Variants in TTLL11 observed in about 807,000 individuals in gnomAD.
TTLL11 encodes the protein tubulin polyglutamylase TTLL11.
TTLL11 carries 42 observed loss-of-function variants against 51.7 expected under a neutral mutation model. The observed-to-expected ratio is 0.81, with a 90% CI of 0.64 to 1.05. TTLL11 has a LOEUF of 1.05. Ranked by LOEUF, TTLL11 falls within the 50% of genes least tolerant of loss-of-function variation. The pLI is 0.00. For synonymous variants in TTLL11, 381 were observed against 383.5 expected, an observed-to-expected ratio of 0.99 and a Z score of 0.08; for missense variants, 799 against 940.4, an observed-to-expected ratio of 0.85 and a Z score of 1.97.
At chr9:121,860,469 C>A (rs1383329321) in intron 7 of TTLL11, 26 bp from the exon 8 acceptor site, 1 of 1,536,130 alleles carries the variant, frequency 6.5e-7, no homozygotes, top group Non-Finnish European at 8.8e-7. Context: ...AGTGACATGT[C>A]ACTGCCAGCC....
In TTLL11 at chr9:121,822,554, C is replaced by T. The variant is rs192800946; in HGVS notation, c.*33G>A. 8.3e-4 allele frequency: 1,183 copies of T among 1,426,802 alleles called. 2 individuals are homozygous for T. The highest frequency in any genetic ancestry group is 5.0e-3 in the Middle Eastern group (19 of 3,800). The allele number at this position is 1,426,802 out of a possible 1,614,324, so 88.4% of individuals were successfully genotyped here. ...GCGCTCCAGCCCTGAAAGCTGCTCT[C>T]GTCTTCCGTTTTCCAGGAGGACAGA... On this transcript the variant is annotated 3_prime_UTR_variant, in exon 9 of 9. Coordinates refer to ENST00000321582, the MANE Select transcript of TTLL11 (RefSeq NM_001139442.2). This position sits in a 1 kb window ranked among gnomAD's most constrained non-coding sequence, Gnocchi z 5.8.
chr9:122,072,892 G>C (rs1845764193), intron 1 of TTLL11, among the ~76,000 whole-genome samples: 3 of 152,162 alleles, frequency 2.0e-5, no homozygotes, highest in Non-Finnish European at 4.4e-5. Context: ...AGCTCTCCGG[G>C]GAAGGGACAC....
At chr9:121,986,766 C>T (rs1842952946) in intron 4 of TTLL11, among the ~76,000 whole-genome samples, 1 of 152,074 alleles carries the variant, frequency 6.6e-6, no homozygotes, top group Admixed American at 6.5e-5. Flanking sequence ...CCAGCCTCCT[C>T]TTCTGCTGTT....
At chr9:121,980,080 T>C (rs147251317) in intron 4 of TTLL11, among the ~76,000 whole-genome samples, 133 of 152,032 alleles carry the variant, frequency 8.7e-4, no homozygotes, top group African/African-American at 2.9e-3. Context: ...ATGGGAGAGA[T>C]ACCACAAGCA....
chr9:122,068,698 A>G (rs1469133779), intron 1 of TTLL11, among the ~76,000 whole-genome samples: 3 of 152,172 alleles, frequency 2.0e-5, no homozygotes, highest in Admixed American at 6.5e-5. Context: ...CTTTTTCTAC[A>G]CTGCATTGTG....
chr9:121,988,378 G>A (rs1017176992), intron 4 of TTLL11, among the ~76,000 whole-genome samples: 2 of 150,124 alleles, frequency 1.3e-5, no homozygotes, highest in African/African-American at 4.9e-5. Flanking sequence ...CCAATACCCA[G>A]GCTCTCGACA....
At chr9:121,846,593 G>A (rs1013592831) in intron 8 of TTLL11, among the ~76,000 whole-genome samples, 2 of 151,720 alleles carry the variant, frequency 1.3e-5, no homozygotes, top group South Asian at 2.1e-4. Flanking sequence ...ATTCTCTCAG[G>A]CCACAATAGA....
intron 2 of TTLL11, among the ~76,000 whole-genome samples, chr9:122,038,218 G>C (rs1267679767): frequency 1.3e-5 from 2 of 152,074 alleles, no homozygotes; most frequent in Admixed American, 6.5e-5. Flanking sequence ...ATTATAATAT[G>C]GTCTGTGTAA....
intron 8 of TTLL11, among the ~76,000 whole-genome samples, chr9:121,826,515 G>T (rs866850566): frequency 2.9e-5 from 1 of 34,452 alleles, no homozygotes; most frequent in Non-Finnish European, 7.5e-5. Flanking sequence ...ATATATATAT[G>T]TATATATATA....
At chr9:121,898,063 C>T (rs1564294609) in intron 6 of TTLL11, among the ~76,000 whole-genome samples, 3 of 152,034 alleles carry the variant, frequency 2.0e-5, no homozygotes, top group South Asian at 4.1e-4. Flanking sequence ...GGACTACAGG[C>T]ACCTGCCACC....
chr9:121,915,637 G>A (rs980315654), intron 6 of TTLL11, among the ~76,000 whole-genome samples: 9 of 152,048 alleles, frequency 5.9e-5, no homozygotes, highest in Admixed American at 5.2e-4. Flanking sequence ...GAATAAATAT[G>A]TACTGTTTGT....
chr9:122,052,416 A>G (rs1363622151), intron 1 of TTLL11, among the ~76,000 whole-genome samples: 1 of 152,222 alleles, frequency 6.6e-6, no homozygotes, highest in Non-Finnish European at 1.5e-5. Flanking sequence ...CTGTGGGAGC[A>G]ACTCCAAGTC....
chr9:122,060,801 G>A (rs1845415747), intron 1 of TTLL11, among the ~76,000 whole-genome samples: 1 of 152,238 alleles, frequency 6.6e-6, no homozygotes, highest in African/African-American at 2.4e-5. Flanking sequence ...TGCTGTGGGA[G>A]ATTATTAGCT....
intron 7 of TTLL11, among the ~76,000 whole-genome samples, chr9:121,867,690 G>A (rs186077258): frequency 8.5e-5 from 13 of 152,104 alleles, no homozygotes; most frequent in Non-Finnish European, 1.5e-4. Context: ...GCCTCCTCTC[G>A]GGAGCCTGCT....
chr9:121,960,148 G>T (rs1473665155), intron 6 of TTLL11, among the ~76,000 whole-genome samples: 1 of 151,826 alleles, frequency 6.6e-6, no homozygotes, highest in Non-Finnish European at 1.5e-5. Flanking sequence ...ACTACTTAGG[G>T]TTACACTTCT....
chr9:122,017,985 C>G (rs1406595866), intron 3 of TTLL11, among the ~76,000 whole-genome samples: 1 of 151,976 alleles, frequency 6.6e-6, no homozygotes, highest in Non-Finnish European at 1.5e-5. Flanking sequence ...ACACACTAAA[C>G]AAAAGCAATT....
chr9:121,855,694 C>T (rs780432381), intron 8 of TTLL11, among the ~76,000 whole-genome samples: 1 of 152,190 alleles, frequency 6.6e-6, no homozygotes, highest in South Asian at 2.1e-4. Context: ...CTCTGAGCCA[C>T]GGTTCTCACA....
At chr9:122,071,390 T>A (rs1385389343) in intron 1 of TTLL11, among the ~76,000 whole-genome samples, 2 of 152,182 alleles carry the variant, frequency 1.3e-5, no homozygotes, top group Non-Finnish European at 2.9e-5. Flanking sequence ...AAGAAAGCTT[T>A]CAGCTGCCCC....
chr9:122,045,716 C>T (rs781616589), intron 1 of TTLL11, among the ~76,000 whole-genome samples: 3 of 152,040 alleles, frequency 2.0e-5, no homozygotes, highest in African/African-American at 4.8e-5. Context: ...GAAAATTATC[C>T]GGCCTTATAA....
Sources: gnomAD v4.1 joint callset for allele counts (sites outside exome capture counted in the v4.1 genomes callset) on GRCh38, gnomAD v4.1.1 for gene constraint, Gnocchi (gnomAD v3.1) non-coding constraint, MANE v1.5 for transcripts, NCBI Gene and HGNC (gene_info 2026-07-23, HGNC 2026-07-21) for gene names.